The following SHISAL1 variants were observed in gnomAD, a reference collection of about 807,000 sequenced individuals.
The protein encoded by SHISAL1 is protein shisa-like-1.
SHISAL1 carries 9 observed loss-of-function variants against 22.6 expected under a neutral mutation model. That is an observed-to-expected ratio of 0.40 (90% CI 0.24 to 0.70). The LOEUF is 0.70. Among genes scored for constraint, SHISAL1 ranks in the 30% least tolerant of loss-of-function variants. The pLI, the probability that SHISAL1 is intolerant of heterozygous loss-of-function variation, is 0.39. For synonymous variants in SHISAL1, 119 were observed against 115.4 expected (o/e 1.03, Z -0.20); for missense variants, 246 against 270.6 (o/e 0.91, Z 0.64).
intron 4 of SHISAL1, among the ~76,000 whole-genome samples, chr22:44,252,952 C>CA (rs1256499447): frequency 6.6e-6 from 1 of 151,510 alleles, no homozygotes; most frequent in Non-Finnish European, 1.5e-5. Context: ...GCCGAGATCA[C>CA]GCCACTGCAC....
At chr22:44,309,460 C>A (rs956055993) in intron 1 of SHISAL1, among the ~76,000 whole-genome samples, 1 of 152,130 alleles carries the variant, frequency 6.6e-6, no homozygotes, top group Non-Finnish European at 1.5e-5. Context: ...GCAGATCACC[C>A]GAGCCCAGGG....
chr22:44,290,464 G>A (rs1466651259), intron 3 of SHISAL1, among the ~76,000 whole-genome samples: 1 of 151,358 alleles, frequency 6.6e-6, no homozygotes, highest in Non-Finnish European at 1.5e-5. Flanking sequence ...GGGAGGCGGA[G>A]GTTGTGGTGA....
chr22:44,279,258 G>C (rs1201858073), intron 4 of SHISAL1, among the ~76,000 whole-genome samples: 1 of 152,202 alleles, frequency 6.6e-6, no homozygotes, highest in African/African-American at 2.4e-5. Flanking sequence ...AACTGGAGGG[G>C]ACAGCCCAGT....
Position 44,271,986 on chromosome 22 carries a change from G to A in SHISAL1, c.599+13442C>T, listed in dbSNP as rs112398954. On this transcript the variant is annotated intron_variant, in intron 4 of 4. Coordinates refer to ENST00000381176, the MANE Select transcript of SHISAL1 (RefSeq NM_001099294.2). ...TCTTTGTTTGCACAGTAGTTGCTGC[G>A]TTAGGGCATTTTAATTAAGATTCCA... is the stretch of plus-strand genomic sequence containing the variant. Among the ~76,000 whole-genome samples the A allele has an allele frequency of 4.7e-3, 720 of 152,312 alleles. 4 individuals are homozygous for A. Among genetic ancestry groups the A allele is most frequent in the African/African-American group, 0.016 (679 of 41,564 alleles).
chr22:44,311,221 T>C (rs1027658446), intron 1 of SHISAL1, among the ~76,000 whole-genome samples: 6 of 152,148 alleles, frequency 3.9e-5, no homozygotes, highest in African/African-American at 1.4e-4. Context: ...ACTGTCTCCC[T>C]ACCAGGCGGG....
chr22:44,318,751 A>C, the SHISAL1 span, among the ~76,000 whole-genome samples: 1 of 152,230 alleles, frequency 6.6e-6, no homozygotes, highest in Non-Finnish European at 1.5e-5. Flanking sequence ...CAGTGCTGTC[A>C]CACAGGTTCT....
intron 2 of SHISAL1, 102 bp downstream of exon 2, chr22:44,300,777 C>T (rs2055422503): frequency 2.1e-6 from 2 of 964,890 alleles, no homozygotes; most frequent in Non-Finnish European, 1.6e-6. Context: ...AAAAGGCAAG[C>T]CTCTGTGTGC....
At chr22:44,267,056 C>A (rs184317009) in intron 4 of SHISAL1, among the ~76,000 whole-genome samples, 18 of 152,176 alleles carry the variant, frequency 1.2e-4, no homozygotes, top group African/African-American at 3.4e-4. Flanking sequence ...GTTGTTGGAG[C>A]CCACGGATTG....
At chr22:44,275,576 T>TG (rs113037177) in intron 4 of SHISAL1, among the ~76,000 whole-genome samples, 2,962 of 152,228 alleles carry the variant, frequency 0.019, 106 homozygotes, top group African/African-American at 0.068. Context: ...GCAGCCGGCA[T>TG]GGGGTGGCAT....
chr22:44,266,056 C>T (rs2055159194), intron 4 of SHISAL1, among the ~76,000 whole-genome samples: 2 of 152,148 alleles, frequency 1.3e-5, no homozygotes, highest in South Asian at 4.1e-4. Context: ...AGTGAGGGCT[C>T]AGACCCAGCC....
intron 4 of SHISAL1, among the ~76,000 whole-genome samples, chr22:44,269,472 GCGCACA>G (rs56119290): frequency 0.63 from 85,137 of 135,912 alleles, 25,129 homozygotes; most frequent in Non-Finnish European, 0.66. Flanking sequence ...CCCACAACAC[GCGCACA>G]CACACACACA....
chr22:44,282,036 C>T (rs1023207081), intron 4 of SHISAL1, among the ~76,000 whole-genome samples: 2 of 152,216 alleles, frequency 1.3e-5, no homozygotes, highest in African/African-American at 2.4e-5. Flanking sequence ...GACCAAGAGG[C>T]GGGGGCTGTG....
upstream of SHISAL1, among the ~76,000 whole-genome samples, chr22:44,316,161 A>C (rs2055557407): frequency 6.6e-6 from 1 of 152,138 alleles, no homozygotes; most frequent in Admixed American, 6.5e-5. Context: ...GAGCAGACCA[A>C]GCCAGGGAAC....
At chr22:44,319,506 A>C in the SHISAL1 span, among the ~76,000 whole-genome samples, 2 of 152,254 alleles carry the variant, frequency 1.3e-5, no homozygotes, top group Non-Finnish European at 2.9e-5. Context: ...TCCCAGTGAC[A>C]GGTGAAAAAC....
chr22:44,270,234 C>A (rs76384149), intron 4 of SHISAL1, among the ~76,000 whole-genome samples: 1,555 of 152,308 alleles, frequency 0.01, 35 homozygotes, highest in African/African-American at 0.036. Context: ...AGACTTGAGT[C>A]CCGAATCTCC....
chr22:44,266,012 C>T (rs1325484774), intron 4 of SHISAL1, among the ~76,000 whole-genome samples: 1 of 152,206 alleles, frequency 6.6e-6, no homozygotes, highest in African/African-American at 2.4e-5. Flanking sequence ...GCTTCATCCC[C>T]TTCTCTGCTT....
chr22:44,262,323 G>T (rs886138046), intron 4 of SHISAL1, among the ~76,000 whole-genome samples: 1 of 151,882 alleles, frequency 6.6e-6, no homozygotes, highest in Non-Finnish European at 1.5e-5. Flanking sequence ...CTGCAGAGGC[G>T]GCAGCCACAA....
intron 4 of SHISAL1, among the ~76,000 whole-genome samples, chr22:44,278,722 C>T (rs955213550): frequency 1.3e-5 from 2 of 152,086 alleles, no homozygotes; most frequent in African/African-American, 4.8e-5. Context: ...TCACAGGGGT[C>T]CCGATGCACC....
the SHISAL1 span, among the ~76,000 whole-genome samples, chr22:44,325,688 T>A: frequency 2.0e-5 from 3 of 152,110 alleles, no homozygotes; most frequent in Non-Finnish European, 4.4e-5. Context: ...TTAGGGAAAC[T>A]TGGCCTGCCT....
Sources: allele counts gnomAD v4.1 joint callset (sites outside exome capture counted in the v4.1 genomes callset), GRCh38; gene constraint gnomAD v4.1.1; transcripts MANE v1.5; gene names NCBI Gene and HGNC (gene_info 2026-07-23, HGNC 2026-07-21).